The following TAFA5 variants were observed in gnomAD, a reference collection of about 807,000 sequenced individuals.
TAFA5 encodes the protein chemokine-like protein TAFA-5.
Under a neutral mutation model 15.3 loss-of-function variants are expected in TAFA5, and 6 were observed. That is an observed-to-expected ratio of 0.39 (90% CI 0.21 to 0.77). The LOEUF is 0.77. Among genes scored for constraint, TAFA5 ranks in the 30% least tolerant of loss-of-function variants. The pLI, the probability that TAFA5 is intolerant of heterozygous loss-of-function variation, is 0.41. For synonymous variants in TAFA5, 103 were observed against 80.7 expected (o/e 1.28, Z -1.48); for missense variants, 161 against 193.1 (o/e 0.83, Z 0.98).
intron 1 of TAFA5, among the ~76,000 whole-genome samples, chr22:48,608,131 A>ACGG (rs1925267133): frequency 2.7e-5 from 3 of 112,026 alleles, no homozygotes; most frequent in African/African-American, 7.3e-5. Flanking sequence ...GGGCTGCCAG[A>ACGG]CCCCTGCTTC....
At position 48,750,862 on chromosome 22, in the gene TAFA5, A is replaced by G. The variant is rs945378358; in HGVS notation, c.*1015A>G. The G allele has an allele frequency of 2.6e-5, 4 of 152,590 alleles. No homozygotes were observed. Among genetic ancestry groups the G allele is most frequent in the Non-Finnish European group, 5.9e-5 (4 of 68,054 alleles). The allele number at this position is 152,590 out of a possible 1,614,324, so 9.5% of individuals were successfully genotyped here. On this transcript the variant is annotated 3_prime_UTR_variant, in exon 4 of 4. Transcript: ENST00000402357. Reference sequence around the variant, plus strand: ...CAGTTTTTATATGTTGTATATTTGTAGAAAATCCTATTTAACAATTAACGT... The same window carrying G: ...CAGTTTTTATATGTTGTATATTTGTGGAAAATCCTATTTAACAATTAACGT...
At position 48,681,714 on chromosome 22, in the gene TAFA5, G is replaced by A. The variant is rs376593236; in HGVS notation, c.263-26003G>A. 1.6e-4 allele frequency among the ~76,000 whole-genome samples: 25 copies of A among 152,074 alleles called. No homozygotes were observed. In the South Asian group the frequency reaches 5.0e-3, roughly 30 times the overall value. ...GAGGCAAGAAGTTTCCAAGAGAGGC[G>A]CTTTCCCTGATTCTCAGACAGAACA... On this transcript the variant is annotated intron_variant, in intron 2 of 3. Coordinates refer to ENST00000402357, the MANE Select transcript of TAFA5 (RefSeq NM_001082967.3).
chr22:48,573,957 C>A (rs370618336), intron 1 of TAFA5, among the ~76,000 whole-genome samples: 1 of 152,146 alleles, frequency 6.6e-6, no homozygotes, highest in East Asian at 1.9e-4. Flanking sequence ...AGAAGACCCC[C>A]GAGTCCTCTG....
chr22:48,635,075 G>A (rs1926396956), intron 1 of TAFA5, among the ~76,000 whole-genome samples: 2 of 152,230 alleles, frequency 1.3e-5, no homozygotes, highest in South Asian at 4.1e-4. Context: ...TGCCCGGGCT[G>A]TTCTGGGCCT....
chr22:48,737,518 C>T (rs970513510), intron 3 of TAFA5, among the ~76,000 whole-genome samples: 4 of 152,166 alleles, frequency 2.6e-5, no homozygotes, highest in African/African-American at 9.7e-5. Context: ...TGATGCCAGC[C>T]GGGGTCTTCT....
intron 2 of TAFA5, among the ~76,000 whole-genome samples, chr22:48,655,560 A>T (rs569388088): frequency 2.0e-5 from 3 of 152,294 alleles, no homozygotes; most frequent in African/African-American, 7.2e-5. Context: ...TTACAGCATT[A>T]TCTCTCCAGG....
At chr22:48,694,433 G>T (rs1485815790) in intron 2 of TAFA5, among the ~76,000 whole-genome samples, 1 of 152,102 alleles carries the variant, frequency 6.6e-6, no homozygotes, top group Non-Finnish European at 1.5e-5. Context: ...TTTCGAGTGG[G>T]GCCCTTCCGG....
intron 1 of TAFA5, chr22:48,546,597 G>T (rs1817748060): frequency 4.2e-6 from 2 of 471,060 alleles, no homozygotes; most frequent in South Asian, 3.1e-5. Context: ...GCGAGCTTTG[G>T]GGAATCCTAA....
At chr22:48,605,558 C>T (rs1303742586) in intron 1 of TAFA5, among the ~76,000 whole-genome samples, 13 of 152,086 alleles carry the variant, frequency 8.5e-5, no homozygotes, top group Admixed American at 3.3e-4. Context: ...TACTGCATTT[C>T]ATCCACCATC....
intron 1 of TAFA5, among the ~76,000 whole-genome samples, chr22:48,603,528 A>G (rs1569043371): frequency 2.0e-5 from 3 of 152,112 alleles, no homozygotes; most frequent in Non-Finnish European, 2.9e-5. Flanking sequence ...AGGAGCCACT[A>G]CAGGGCCCAG....
chr22:48,674,784 T>C (rs532639016), intron 2 of TAFA5, among the ~76,000 whole-genome samples: 2 of 152,304 alleles, frequency 1.3e-5, no homozygotes, highest in South Asian at 4.1e-4. Context: ...GCATTAGCAG[T>C]ACCTATAAGA....
intron 1 of TAFA5, among the ~76,000 whole-genome samples, chr22:48,572,157 A>G (rs1476671926): frequency 6.6e-6 from 1 of 152,240 alleles, no homozygotes; most frequent in East Asian, 1.9e-4. Flanking sequence ...GAGTATGCAC[A>G]GCTGAGCCTG....
intron 1 of TAFA5, among the ~76,000 whole-genome samples, chr22:48,580,292 G>T (rs868468907): frequency 3.5e-4 from 54 of 152,354 alleles, no homozygotes; most frequent in African/African-American, 1.3e-3. Flanking sequence ...TGTATGAATG[G>T]TTATGGCTCC....
Position 48,552,767 on chromosome 22 carries a change from C to T in TAFA5, c.112+63063C>T, listed in dbSNP as rs1019335752. 1.3e-5 allele frequency among the ~76,000 whole-genome samples: 2 copies of T among 152,128 alleles called. No individual in the cohort carries two copies. Among genetic ancestry groups the T allele is most frequent in the Non-Finnish European group, 2.9e-5 (2 of 68,016 alleles). ...AACATTTATCATCCTCCGAGGGGCC[C>T]GGCCAGGCTCCCAGGGAAGAGGAGG... On this transcript the variant is annotated intron_variant, in intron 1 of 3. Transcript: ENST00000402357. This position sits in a 1 kb window ranked among gnomAD's most constrained non-coding sequence, Gnocchi z 4.1.
At position 48,645,956 on chromosome 22, in the gene TAFA5, ATATG is replaced by A. The variant is rs201112756; in HGVS notation, c.113-639_113-636del. On this transcript the variant is annotated intron_variant, in intron 1 of 3. Coordinates refer to ENST00000402357, the MANE Select transcript of TAFA5 (RefSeq NM_001082967.3). ...CCTGTTTGCACACACGTACATGCAC[ATATG>A]TGTGTGTGGGCGTGCACCGCGCTGT... 7.2e-3 allele frequency among the ~76,000 whole-genome samples: 1,078 copies of A among 150,524 alleles called. 8 individuals are homozygous for A. The highest frequency in any genetic ancestry group is 0.025 in the African/African-American group (1,013 of 41,102).
chr22:48,527,683 A>G (rs1327317723), intron 1 of TAFA5, among the ~76,000 whole-genome samples: 1 of 152,206 alleles, frequency 6.6e-6, no homozygotes, highest in Non-Finnish European at 1.5e-5. Context: ...CATCCCACCC[A>G]GGCTGGAAGT....
chr22:48,509,817 G>T (rs1488681583), intron 1 of TAFA5, among the ~76,000 whole-genome samples: 1 of 152,004 alleles, frequency 6.6e-6, no homozygotes. Flanking sequence ...CGGGCACAGT[G>T]GCGGGCGCCT....
chr22:48,582,331 C>T (rs1258651321), intron 1 of TAFA5, among the ~76,000 whole-genome samples: 1 of 150,456 alleles, frequency 6.6e-6, no homozygotes, highest in Non-Finnish European at 1.5e-5. Context: ...CCACATACCA[C>T]ACACAAAATA....
chr22:48,580,067 C>T (rs911822489), intron 1 of TAFA5, among the ~76,000 whole-genome samples: 4 of 152,232 alleles, frequency 2.6e-5, no homozygotes, highest in South Asian at 2.1e-4. Context: ...GGCCGCGGCA[C>T]GGTGTACCCG....
Sources: allele counts gnomAD v4.1 joint callset (sites outside exome capture counted in the v4.1 genomes callset), GRCh38; gene constraint gnomAD v4.1.1; non-coding constraint Gnocchi (gnomAD v3.1); transcripts MANE v1.5; gene names NCBI Gene and HGNC (gene_info 2026-07-23, HGNC 2026-07-21).